Variants in RBFOX1 observed in about 807,000 individuals in gnomAD.
The protein encoded by RBFOX1 is RNA binding protein fox-1 homolog 1.
RBFOX1 carries 8 observed loss-of-function variants against 57.7 expected under a neutral mutation model. That is an observed-to-expected ratio of 0.14 (90% confidence interval 0.08 to 0.25). The LOEUF is 0.25. Ranked by LOEUF, RBFOX1 falls within the 10% of genes least tolerant of loss-of-function variation. The pLI is 1.00. For missense variants in RBFOX1, 611 were observed against 548.5 expected (o/e 1.11, Z -1.14); for synonymous variants, 326 against 222.4 (o/e 1.47, Z -4.15).
intron 2 of RBFOX1, among the ~76,000 whole-genome samples, chr16:6,428,641 T>A (rs994308926): frequency 4.6e-5 from 7 of 152,186 alleles, no homozygotes; most frequent in African/African-American, 1.4e-4. Flanking sequence ...CTTGCTGTCA[T>A]CATCACCATC....
intron 4 of RBFOX1, among the ~76,000 whole-genome samples, chr16:7,248,328 C>G (rs575359108): frequency 6.6e-6 from 1 of 152,290 alleles, no homozygotes; most frequent in South Asian, 2.1e-4. Flanking sequence ...CATAAAGGAC[C>G]GTGCTGTTGG....
intron 4 of RBFOX1, among the ~76,000 whole-genome samples, chr16:7,081,138 G>A (rs1241386679): frequency 6.6e-6 from 1 of 152,106 alleles, no homozygotes; most frequent in African/African-American, 2.4e-5. Context: ...AGGTTGAAGC[G>A]ATTCTCCTGC....
chr16:5,324,104 C>G (rs1029918240), intron 1 of RBFOX1, among the ~76,000 whole-genome samples: 10 of 152,200 alleles, frequency 6.6e-5, no homozygotes, highest in Middle Eastern at 6.3e-3. Flanking sequence ...CTGCCTCCTC[C>G]TAGTGTTGGG....
chr16:5,886,678 A>T (rs761468001), intron 4 of RBFOX1, among the ~76,000 whole-genome samples: 13 of 152,210 alleles, frequency 8.5e-5, no homozygotes, highest in Non-Finnish European at 1.6e-4. Context: ...ATCTGAGGTC[A>T]GGAGTTTTGG....
rs576827208 is a variant in RBFOX1, at chr16:5,483,383, C to A, written c.258+16129C>A. On this transcript the variant is annotated intron_variant, in intron 2 of 2. Transcript: ENST00000585867. ...CTGCTGCTCTTTCCCACGCTTGCCC[C>A]CAGAGGAAGTACTGCTTGACTAATC... Among the ~76,000 whole-genome samples the A allele has an allele frequency of 2.0e-3, 309 of 152,334 alleles. 2 individuals carry two copies. The highest frequency in any genetic ancestry group is 7.1e-3 in the African/African-American group (296 of 41,576).
rs2050519985 is a variant in RBFOX1 at position 5,686,820 on chromosome 16, T to G, written c.318+87859T>G. 3.9e-5 allele frequency among the ~76,000 whole-genome samples: 6 copies of G among 152,316 alleles called. No homozygotes were observed. In the South Asian group the frequency reaches 1.0e-3, roughly 26 times the overall value. The stretch of plus-strand genomic sequence containing the variant: ...AATTAGTCAGCAAAACTGCTTCTAG[T>G]TCTGACAGAAGTCATAAATTGTTGA... On this transcript the variant is annotated intron_variant, in intron 3 of 19. Transcript: ENST00000641259.
chr16:7,466,403 G>C (rs1245956217), intron 4 of RBFOX1, among the ~76,000 whole-genome samples: 4 of 152,162 alleles, frequency 2.6e-5, no homozygotes, highest in Non-Finnish European at 5.9e-5. Flanking sequence ...CCACTTCCCA[G>C]TGAGGCAGGT....
intron 14 of RBFOX1, among the ~76,000 whole-genome samples, chr16:7,690,116 C>T (rs2076999300): frequency 6.6e-6 from 1 of 152,076 alleles, no homozygotes; most frequent in Non-Finnish European, 1.5e-5. Flanking sequence ...CACTGCTTCT[C>T]AGCTGGGCCA....
intron 4 of RBFOX1, among the ~76,000 whole-genome samples, chr16:7,419,236 A>G (rs2098515554): frequency 6.6e-6 from 1 of 152,010 alleles, no homozygotes; most frequent in Admixed American, 6.6e-5. Flanking sequence ...TGTTTTTATC[A>G]TGTCCTTAGT....
rs5815254 is a variant in RBFOX1, at chr16:5,542,244, ATT to A, written c.259-56637_259-56636del. On this transcript the variant is annotated intron_variant, in intron 2 of 2. Transcript: ENST00000585867. ...TTTCAATTTAATAACACAGGTATTG[ATT>A]TTTTTTTTTTTTTTTTTTTTGAGAC... 7.9e-3 allele frequency among the ~76,000 whole-genome samples: 972 copies of A among 122,514 alleles called. 9 individuals carry two copies. Among genetic ancestry groups the A allele is most frequent in the African/African-American group, 0.028 (902 of 32,078 alleles). The allele number at this position is 122,514 out of a possible 152,430, so 80.4% of individuals were successfully genotyped here.
intron 13 of RBFOX1, 145 bp downstream of exon 13, chr16:7,665,113 C>A: frequency 6.6e-7 from 1 of 1,509,088 alleles, no homozygotes; most frequent in South Asian, 1.2e-5. Context: ...TCTTGCAGGA[C>A]AGAAAGCCTT....
intron 1 of RBFOX1, among the ~76,000 whole-genome samples, chr16:5,417,025 G>T (rs934699491): frequency 1.3e-5 from 2 of 152,178 alleles, no homozygotes; most frequent in African/African-American, 4.8e-5. Context: ...GAGCAAGGAA[G>T]AAGATTCAGT....
At chr16:7,521,944 A>G (rs773753776) in intron 5 of RBFOX1, among the ~76,000 whole-genome samples, 6 of 152,130 alleles carry the variant, frequency 3.9e-5, no homozygotes, top group Non-Finnish European at 5.9e-5. Flanking sequence ...TCTGTCCTGC[A>G]AGTTCAGGCT....
At chr16:7,183,935 G>A (rs776738165) in intron 4 of RBFOX1, among the ~76,000 whole-genome samples, 1 of 152,136 alleles carries the variant, frequency 6.6e-6, no homozygotes, top group African/African-American at 2.4e-5. Context: ...AACCAATAAA[G>A]AGAGGCTAAA....
chr16:6,575,560 A>T (rs1441311003), intron 2 of RBFOX1, among the ~76,000 whole-genome samples: 1 of 152,152 alleles, frequency 6.6e-6, no homozygotes, highest in Non-Finnish European at 1.5e-5. Context: ...CATACATTTT[A>T]AAAAGATTAA....
At chr16:5,610,244 A>G (rs975675724) in intron 3 of RBFOX1, 6 of 152,132 alleles carry the variant, frequency 3.9e-5, no homozygotes, top group African/African-American at 1.5e-4. Context: ...CATGTAATAG[A>G]CTCTCAGTCG....
intron 3 of RBFOX1, among the ~76,000 whole-genome samples, chr16:6,870,652 A>G (rs928738831): frequency 9.2e-5 from 14 of 152,208 alleles, no homozygotes; most frequent in South Asian, 2.1e-4. Context: ...AAAACAAACG[A>G]TGATGGGAAT....
intron 2 of RBFOX1, among the ~76,000 whole-genome samples, chr16:6,621,340 TGTA>T (rs922867373): frequency 1.5e-4 from 23 of 151,918 alleles, no homozygotes; most frequent in African/African-American, 4.8e-4. Context: ...GGCAGGCGCC[TGTA>T]GTCCCAGCTA....
chr16:7,569,949 T>G (rs923707330), intron 5 of RBFOX1, among the ~76,000 whole-genome samples: 3 of 152,172 alleles, frequency 2.0e-5, no homozygotes, highest in African/African-American at 4.8e-5. Context: ...GTTATTAGTT[T>G]GTTTGGGGGA....
Sources: gnomAD v4.1 joint callset for allele counts (sites outside exome capture counted in the v4.1 genomes callset) on GRCh38, gnomAD v4.1.1 for gene constraint, MANE v1.5 for transcripts, NCBI Gene and HGNC (gene_info 2026-07-23, HGNC 2026-07-21) for gene names.